Variants in SEMA3A observed in about 807,000 individuals in gnomAD.
The protein encoded by SEMA3A is semaphorin-3A.
SEMA3A carries 29 observed loss-of-function variants against 97.9 expected under a neutral mutation model. That is an observed-to-expected ratio of 0.30 (90% CI 0.22 to 0.40). The LOEUF (loss-of-function observed/expected upper bound fraction) is 0.40, where lower values mean the gene tolerates loss of function less well. SEMA3A is among the 10% of genes least tolerant of loss of function. The probability of loss-of-function intolerance (pLI) is 1.00; values close to 1 mark genes in which losing one functional copy is unlikely to be tolerated. For synonymous variants in SEMA3A, 321 were observed against 323.7 expected, an observed-to-expected ratio of 0.99 and a Z score of 0.09; for missense variants, 763 against 951.3, an observed-to-expected ratio of 0.80 and a Z score of 2.60.
In SEMA3A at chr7:84,142,410, T is replaced by A. The variant is rs903512310; in HGVS notation, c.113-7459A>T. On this transcript the variant is annotated intron_variant, in intron 1 of 16. Coordinates refer to ENST00000265362, the MANE Select transcript of SEMA3A (RefSeq NM_006080.3). ...GGAAGTTAATAGGAGTTCATTCCCA[T>A]TTTTTTCTCATGAGGAAATTGACTC... Among the ~76,000 whole-genome samples, 82 of 152,126 alleles carry A rather than the reference T, an allele frequency of 5.4e-4. 1 individual carries two copies. The highest frequency in any genetic ancestry group is 1.9e-3 in the African/African-American group (80 of 41,444).
At chr7:84,218,326 A>T (rs940169134) in intron 3 of SEMA3A, among the ~76,000 whole-genome samples, 5 of 152,150 alleles carry the variant, frequency 3.3e-5, no homozygotes, top group Admixed American at 1.3e-4. Context: ...TTGCCCCAAC[A>T]ACTAAGTTGC....
intron 4 of SEMA3A, among the ~76,000 whole-genome samples, chr7:84,062,469 C>A (rs1037698269): frequency 6.6e-6 from 1 of 152,206 alleles, no homozygotes; most frequent in East Asian, 1.9e-4. Flanking sequence ...GAGTGAGCGA[C>A]GCAGAAGATG....
At chr7:84,416,632 T>A (rs758121326) in intron 1 of SEMA3A, among the ~76,000 whole-genome samples, 57 of 152,264 alleles carry the variant, frequency 3.7e-4, no homozygotes, top group Non-Finnish European at 6.5e-4. Context: ...ACGCAAAGGT[T>A]TGAAGTTGAA....
intron 2 of SEMA3A, among the ~76,000 whole-genome samples, chr7:84,340,844 T>C (rs565496859): frequency 1.9e-4 from 29 of 151,874 alleles, no homozygotes; most frequent in Admixed American, 3.3e-4. Context: ...TATACATATA[T>C]ACCTTTTAAT....
rs768038554 is a variant in SEMA3A at position 83,963,263 on chromosome 7, G to A, written c.1802C>T (p.Ser601Leu). The A allele has an allele frequency of 1.2e-6, 2 of 1,613,584 alleles. No individual in the cohort carries two copies. Among genetic ancestry groups the A allele is most frequent in the South Asian group, 1.1e-5 (1 of 91,076 alleles). Residue 601 changes from serine to leucine, a missense_variant, in exon 16 of 17, where the codon TCG becomes TTG. By Grantham distance (145) the Ser-to-Leu change is moderately radical (BLOSUM62 -2). Coordinates refer to ENST00000265362, the MANE Select transcript of SEMA3A (RefSeq NM_006080.3). ...SSTFLECSPKSQRALVYWQFQ... is the reference protein window; with the variant it reads ...SSTFLECSPKLQRALVYWQFQ... ...TTGCCAATAGACCAGCGCTCTCTGC[G>A]ACTTCGGACTGCATTCCAAAAATGT... is the stretch of plus-strand genomic sequence containing the variant.
intron 1 of SEMA3A, among the ~76,000 whole-genome samples, chr7:84,168,649 T>C (rs1268454834): frequency 6.6e-6 from 1 of 151,896 alleles, no homozygotes; most frequent in Non-Finnish European, 1.5e-5. Flanking sequence ...AAATGATGCC[T>C]ATCTAGTTAT....
chr7:84,134,629 T>A (rs1796066107), intron 2 of SEMA3A, among the ~76,000 whole-genome samples, 165 bp downstream of exon 2: 1 of 152,230 alleles, frequency 6.6e-6, no homozygotes, highest in South Asian at 2.1e-4. Context: ...TTTGATTTAT[T>A]GCATCCATTG....
chr7:84,127,082 G>T lies in SEMA3A; in HGVS notation c.333+2041C>A, dbSNP rs180946035. On this transcript the variant is annotated intron_variant, in intron 3 of 16. Transcript: ENST00000265362. ...TTTGCTCTACTATGAAGGTGTAAAGGGACTTTCAGTTGACAGATTCTCTCC... is the reference window on the plus strand; with the variant it reads ...TTTGCTCTACTATGAAGGTGTAAAGTGACTTTCAGTTGACAGATTCTCTCC... Among the ~76,000 whole-genome samples, 3 of 151,960 alleles carry T rather than the reference G, an allele frequency of 2.0e-5. No homozygotes were observed. The East Asian group carries it at 5.8e-4, about 29-fold the overall frequency.
intron 3 of SEMA3A, among the ~76,000 whole-genome samples, chr7:84,239,357 C>T (rs1270124426): frequency 6.6e-6 from 1 of 152,022 alleles, no homozygotes; most frequent in East Asian, 1.9e-4. Flanking sequence ...TAATATTTTG[C>T]CCATGGGCAA....
intron 10 of SEMA3A, among the ~76,000 whole-genome samples, chr7:84,006,056 A>C (rs1369645036): frequency 6.6e-6 from 1 of 152,180 alleles, no homozygotes; most frequent in Non-Finnish European, 1.5e-5. Flanking sequence ...AGGCAAAATT[A>C]CAAATGCATG....
In SEMA3A at chr7:84,424,906, CATAAATATATATATATATTTATATTTAT is replaced by C. The variant is rs1402215239; in HGVS notation, c.-245-53034_-245-53007del. Among the ~76,000 whole-genome samples, 14 of 54,920 alleles carry C rather than the reference CATAAATATATATATATATTTATATTTAT, an allele frequency of 2.5e-4. No homozygotes were observed. In the South Asian group the frequency reaches 4.4e-3, roughly 17 times the overall value. 36.0% of individuals were successfully genotyped at this position (54,920 alleles called of 152,430 possible). On this transcript the variant is annotated intron_variant, in intron 1 of 3. Transcript: ENST00000424555. Reference sequence around the variant, plus strand: ...ATTATATATAAATAATTTATATAAACATAAATATATATATATATTTATATTTATATAAATATATATTTATAATTATATA... The same window carrying C: ...ATTATATATAAATAATTTATATAAACATAAATATATATTTATAATTATATA...
intron 1 of SEMA3A, among the ~76,000 whole-genome samples, chr7:84,417,311 C>A (rs1432125784): frequency 6.6e-6 from 1 of 151,938 alleles, no homozygotes; most frequent in Non-Finnish European, 1.5e-5. Flanking sequence ...TTGATAAAAA[C>A]CTTCCTTTAG....
chr7:83,981,549 G>A, intron 13 of SEMA3A, 71 bp from the exon 14 acceptor site: 4 of 1,258,238 alleles, frequency 3.2e-6, no homozygotes, highest in Admixed American at 3.2e-5. Flanking sequence ...TTAAAAAAGA[G>A]TTTATTTATA....
intron 3 of SEMA3A, among the ~76,000 whole-genome samples, chr7:84,230,609 T>C (rs1457301889): frequency 6.6e-6 from 1 of 151,974 alleles, no homozygotes; most frequent in African/African-American, 2.4e-5. Flanking sequence ...GTTAACCTAA[T>C]CACCATATCT....
chr7:84,038,459 T>C (rs573513808), intron 6 of SEMA3A, among the ~76,000 whole-genome samples: 1 of 152,298 alleles, frequency 6.6e-6, no homozygotes, highest in Admixed American at 6.5e-5. Flanking sequence ...TTACATAAAT[T>C]AATTCATATG....
At chr7:84,005,713 C>A (rs965916469) in intron 10 of SEMA3A, among the ~76,000 whole-genome samples, 155 bp from the exon 11 acceptor site, 1 of 152,018 alleles carries the variant, frequency 6.6e-6, no homozygotes, top group African/African-American at 2.4e-5. Context: ...TTTGAGAGGC[C>A]GATGCGGGTG....
At chr7:84,417,721 G>A (rs1804473330) in intron 1 of SEMA3A, among the ~76,000 whole-genome samples, 2 of 151,906 alleles carry the variant, frequency 1.3e-5, no homozygotes, top group Middle Eastern at 3.2e-3. Context: ...AGACATGAAG[G>A]ATATAGTAAC....
At chr7:84,413,488 T>C (rs1048873657) in intron 1 of SEMA3A, among the ~76,000 whole-genome samples, 1 of 151,924 alleles carries the variant, frequency 6.6e-6, no homozygotes, top group Admixed American at 6.6e-5. Flanking sequence ...GTTAGCTAGG[T>C]GTGATGGCAT....
chr7:84,452,299 A>G (rs937401093), intron 1 of SEMA3A, among the ~76,000 whole-genome samples: 1 of 152,204 alleles, frequency 6.6e-6, no homozygotes, highest in Non-Finnish European at 1.5e-5. Context: ...TTTAAATATG[A>G]ACCTACTTAG....
Sources: allele counts gnomAD v4.1 joint callset (sites outside exome capture counted in the v4.1 genomes callset), GRCh38; gene constraint gnomAD v4.1.1; transcripts MANE v1.5; gene names NCBI Gene and HGNC (gene_info 2026-07-23, HGNC 2026-07-21).